GADL1: variants seen among roughly 807,000 people sequenced by gnomAD.
The protein encoded by GADL1 is acidic amino acid decarboxylase GADL1.
A neutral mutation model predicts 69.5 loss-of-function variants in GADL1; 71 were observed. That is an observed-to-expected ratio of 1.02 (90% CI 0.84 to 1.25). The LOEUF (loss-of-function observed/expected upper bound fraction) is 1.25. GADL1 is among the 50% of genes most tolerant of loss of function. GADL1 has a pLI of 0.00. For synonymous variants in GADL1, 254 were observed against 214.4 expected, an observed-to-expected ratio of 1.18 and a Z score of -1.62; for missense variants, 737 against 631.8, an observed-to-expected ratio of 1.17 and a Z score of -1.79.
chr3:30,749,250 GTTAAAT>G (rs141855889), intron 14 of GADL1, among the ~76,000 whole-genome samples: 13,872 of 152,106 alleles, frequency 0.091, 1,683 homozygotes, highest in African/African-American at 0.28. Flanking sequence ...TGCTCAGCAT[GTTAAAT>G]TTTCCTTTTA....
intron 12 of GADL1, among the ~76,000 whole-genome samples, chr3:30,796,985 T>C (rs1490264500): frequency 6.6e-6 from 1 of 152,214 alleles, no homozygotes; most frequent in Non-Finnish European, 1.5e-5. Flanking sequence ...TTCTTCCTGC[T>C]AAAAGGCAGA....
chr3:30,860,631 C>A (rs1276973382), intron 2 of GADL1, among the ~76,000 whole-genome samples: 1 of 151,972 alleles, frequency 6.6e-6, no homozygotes, highest in Non-Finnish European at 1.5e-5. Flanking sequence ...ATAAATATCA[C>A]CTCACTTTCA....
chr3:30,853,194 C>T lies in GADL1; in HGVS notation c.428+1505G>A, dbSNP rs546095033. 1.3e-4 allele frequency among the ~76,000 whole-genome samples: 20 copies of T among 152,302 alleles called. No homozygotes were observed. The South Asian group carries it at 4.1e-3, about 32-fold the overall frequency. On this transcript the variant is annotated intron_variant, in intron 4 of 14. Transcript: ENST00000282538. ...TATTGAGCCGCCTTCTCTCCCCACT[C>T]TATACTCTGTCCCCTAGGCAGTGGT...
At chr3:30,891,638 G>A (rs1370742609) in intron 1 of GADL1, among the ~76,000 whole-genome samples, 1 of 150,810 alleles carries the variant, frequency 6.6e-6, no homozygotes, top group East Asian at 2.0e-4. Flanking sequence ...TCCAAGACTT[G>A]GTTTCCTTAA....
At chr3:30,800,615 G>C (rs1330495661) in intron 12 of GADL1, 1 of 439,266 alleles carries the variant, frequency 2.3e-6, no homozygotes, top group Non-Finnish European at 4.2e-6. Context: ...CCAAAAATGA[G>C]GGTCATTTGT....
At chr3:30,883,037 G>T (rs1698662219) in intron 1 of GADL1, among the ~76,000 whole-genome samples, 1 of 151,828 alleles carries the variant, frequency 6.6e-6, no homozygotes, top group Admixed American at 6.6e-5. Flanking sequence ...TGAGTTCTAG[G>T]AGTTCTTTAT....
chr3:30,760,260 A>G (rs951034825), intron 14 of GADL1, among the ~76,000 whole-genome samples: 2 of 152,182 alleles, frequency 1.3e-5, no homozygotes, highest in African/African-American at 4.8e-5. Flanking sequence ...ATAGCAATAC[A>G]TATTACTCAT....
intron 14 of GADL1, among the ~76,000 whole-genome samples, chr3:30,763,669 T>G (rs1389063108): frequency 6.6e-6 from 1 of 152,188 alleles, no homozygotes; most frequent in Non-Finnish European, 1.5e-5. Flanking sequence ...GTTGCGTATC[T>G]CAGAATTTAT....
chr3:30,771,489 G>T (rs28404225), intron 14 of GADL1, among the ~76,000 whole-genome samples: 1 of 151,972 alleles, frequency 6.6e-6, no homozygotes, highest in African/African-American at 2.4e-5. Context: ...TCCAAGTAAG[G>T]GGAGCCTCTT....
At chr3:30,753,514 T>TA (rs1695886277) in intron 14 of GADL1, among the ~76,000 whole-genome samples, 1 of 151,688 alleles carries the variant, frequency 6.6e-6, no homozygotes, top group South Asian at 2.1e-4. Context: ...AGTTTCTTTG[T>TA]AGAAAGGTGA....
chr3:30,806,608 A>C (rs1379208277), intron 11 of GADL1, among the ~76,000 whole-genome samples: 2 of 152,204 alleles, frequency 1.3e-5, no homozygotes, highest in African/African-American at 4.8e-5. Flanking sequence ...GAGCAGAAAA[A>C]ACAAGCCACT....
At chr3:30,847,582 T>C (rs1025927468) in intron 6 of GADL1, among the ~76,000 whole-genome samples, 2 of 152,208 alleles carry the variant, frequency 1.3e-5, no homozygotes, top group African/African-American at 4.8e-5. Context: ...GTGCAAATGC[T>C]ATAACCTGAC....
chr3:30,812,198 A>G (rs1186877546), intron 11 of GADL1, among the ~76,000 whole-genome samples: 1 of 152,166 alleles, frequency 6.6e-6, no homozygotes, highest in African/African-American at 2.4e-5. Context: ...TGAAGTCTTA[A>G]TCAGTGGAAG....
intron 12 of GADL1, among the ~76,000 whole-genome samples, chr3:30,788,571 T>G (rs1696848959): frequency 6.6e-6 from 1 of 152,186 alleles, no homozygotes; most frequent in Admixed American, 6.6e-5. Flanking sequence ...ACAATGAAGT[T>G]TGCCACATTG....
intron 14 of GADL1, among the ~76,000 whole-genome samples, chr3:30,736,380 G>T (rs779270588): frequency 2.0e-5 from 3 of 152,040 alleles, no homozygotes; most frequent in Non-Finnish European, 4.4e-5. Context: ...ATTCAGAGCC[G>T]ATAATCCTTT....
intron 2 of GADL1, among the ~76,000 whole-genome samples, chr3:30,859,394 G>C (rs1484605560): frequency 6.6e-6 from 1 of 151,896 alleles, no homozygotes; most frequent in Non-Finnish European, 1.5e-5. Context: ...AATGCATTTT[G>C]TTGAGGGTAA....
intron 11 of GADL1, among the ~76,000 whole-genome samples, chr3:30,815,869 A>AAAGCATGGATTGCGGACTAAG (rs1697458636): frequency 6.6e-6 from 1 of 152,194 alleles, no homozygotes; most frequent in Admixed American, 6.5e-5. Context: ...TGTGTGGTTA[A>AAAGCATGGATTGCGGACTAAG]AAGCATGGAT....
At chr3:30,760,061 A>G (rs1449150478) in intron 14 of GADL1, among the ~76,000 whole-genome samples, 1 of 152,228 alleles carries the variant, frequency 6.6e-6, no homozygotes, top group African/African-American at 2.4e-5. Flanking sequence ...ATTGTCTCAT[A>G]TCACTAAAGT....
chr3:30,866,379 A>C (rs931592834), intron 1 of GADL1, among the ~76,000 whole-genome samples: 4 of 152,062 alleles, frequency 2.6e-5, no homozygotes, highest in Non-Finnish European at 5.9e-5. Context: ...GAATCAGTTG[A>C]ACCTGGGAGG....
Sources: gnomAD v4.1 joint callset for allele counts (sites outside exome capture counted in the v4.1 genomes callset) on GRCh38, gnomAD v4.1.1 for gene constraint, MANE v1.5 for transcripts, NCBI Gene and HGNC (gene_info 2026-07-23, HGNC 2026-07-21) for gene names.